The following CHCHD6 variants were observed in gnomAD, a reference collection of about 807,000 sequenced individuals.
CHCHD6 encodes the protein MICOS complex subunit MIC25.
In CHCHD6, 28 loss-of-function variants were observed where a neutral mutation model predicts 32.3. The observed-to-expected ratio is 0.87, with a 90% confidence interval of 0.64 to 1.19. The LOEUF is 1.19. Ranked by LOEUF, CHCHD6 falls within the 50% of genes most tolerant of loss-of-function variation. CHCHD6 has a pLI of 0.00. For synonymous variants in CHCHD6, 122 were observed against 117.5 expected (o/e 1.04, Z -0.25); for missense variants, 333 against 307.0 (o/e 1.08, Z -0.63).
At chr3:126,799,714 T>C (rs1052661094) in intron 4 of CHCHD6, among the ~76,000 whole-genome samples, 7 of 152,096 alleles carry the variant, frequency 4.6e-5, no homozygotes, top group African/African-American at 1.7e-4. Context: ...CCTGGTGTCC[T>C]TTTTTCTCCT....
At chr3:126,834,220 C>G (rs956537496) in intron 4 of CHCHD6, among the ~76,000 whole-genome samples, 1 of 152,130 alleles carries the variant, frequency 6.6e-6, no homozygotes, top group Middle Eastern at 3.2e-3. Context: ...ACAGAAGTGA[C>G]TCAGGGCTGC....
At chr3:126,880,002 T>C (rs1461478725) in intron 5 of CHCHD6, among the ~76,000 whole-genome samples, 1 of 152,176 alleles carries the variant, frequency 6.6e-6, no homozygotes, top group Non-Finnish European at 1.5e-5. Flanking sequence ...ACCCAGACTC[T>C]CCTCCTTAGT....
chr3:126,914,888 T>G (rs1407574662), intron 6 of CHCHD6, 138 bp downstream of exon 6: 1 of 659,816 alleles, frequency 1.5e-6, no homozygotes, highest in African/African-American at 1.8e-5. Context: ...CTCAGCTCTC[T>G]CACCTGGATC....
intron 6 of CHCHD6, among the ~76,000 whole-genome samples, chr3:126,937,901 C>G (rs1381422206): frequency 6.6e-6 from 1 of 152,130 alleles, no homozygotes; most frequent in East Asian, 1.9e-4. Context: ...CTGCTGGTTC[C>G]CAGGCCCAGG....
At chr3:126,705,477 G>T (rs1303878230) in intron 1 of CHCHD6, among the ~76,000 whole-genome samples, 1 of 152,210 alleles carries the variant, frequency 6.6e-6, no homozygotes, top group East Asian at 1.9e-4. Flanking sequence ...AGATTAAGGA[G>T]AAGTGAGGCA....
chr3:126,784,780 A>C (rs562472060), intron 4 of CHCHD6, among the ~76,000 whole-genome samples: 1 of 152,006 alleles, frequency 6.6e-6, no homozygotes, highest in South Asian at 2.1e-4. Context: ...CTGTCTCTTC[A>C]CTCACTATTT....
chr3:126,844,594 C>T (rs544067949), intron 4 of CHCHD6, among the ~76,000 whole-genome samples: 6 of 152,138 alleles, frequency 3.9e-5, no homozygotes, highest in African/African-American at 1.2e-4. Flanking sequence ...TTTGTGTCTT[C>T]GTATTTAAAA....
chr3:126,758,474 A>G (rs1937048663), intron 4 of CHCHD6, among the ~76,000 whole-genome samples: 1 of 152,184 alleles, frequency 6.6e-6, no homozygotes, highest in Non-Finnish European at 1.5e-5. Context: ...ACGGTAGAGG[A>G]TGATTGCTTT....
At chr3:126,876,403 TTGTC>T (rs2107570520) in intron 5 of CHCHD6, among the ~76,000 whole-genome samples, 1 of 152,358 alleles carries the variant, frequency 6.6e-6, no homozygotes, top group African/African-American at 2.4e-5. Flanking sequence ...CCAGGAATGT[TTGTC>T]TGTACTTGGG....
At chr3:126,751,382 G>GT (rs1936712987) in intron 4 of CHCHD6, among the ~76,000 whole-genome samples, 1 of 151,684 alleles carries the variant, frequency 6.6e-6, no homozygotes, top group South Asian at 2.1e-4. Context: ...TACACCTGTG[G>GT]TCCCAGCTAC....
intron 4 of CHCHD6, among the ~76,000 whole-genome samples, chr3:126,797,934 C>T (rs781438481): frequency 2.0e-5 from 3 of 152,168 alleles, no homozygotes; most frequent in African/African-American, 2.4e-5. Context: ...TCCTCCTTGT[C>T]GAGGGAGGGT....
intron 4 of CHCHD6, among the ~76,000 whole-genome samples, chr3:126,748,597 A>C (rs77153623): frequency 6.8e-6 from 1 of 146,560 alleles, no homozygotes. Context: ...TACATCTCCA[A>C]AAAAAAAAAA....
intron 1 of CHCHD6, among the ~76,000 whole-genome samples, chr3:126,715,668 T>C (rs1934974366): frequency 6.6e-6 from 1 of 152,140 alleles, no homozygotes; most frequent in South Asian, 2.1e-4. Context: ...ATCAATAATG[T>C]GGCTCAATAA....
chr3:126,827,891 T>C (rs1387022982), intron 4 of CHCHD6, among the ~76,000 whole-genome samples: 1 of 152,118 alleles, frequency 6.6e-6, no homozygotes, highest in Admixed American at 6.5e-5. Flanking sequence ...TGTTCAGAAA[T>C]GTCAAATTCT....
At chr3:126,804,908 A>G (rs1207761793) in intron 4 of CHCHD6, among the ~76,000 whole-genome samples, 1 of 152,286 alleles carries the variant, frequency 6.6e-6, no homozygotes, top group African/African-American at 2.4e-5. Flanking sequence ...ACGCAAATCA[A>G]TAAATGTAAT....
chr3:126,752,176 G>A (rs934014889), intron 4 of CHCHD6, among the ~76,000 whole-genome samples: 1 of 152,202 alleles, frequency 6.6e-6, no homozygotes, highest in African/African-American at 2.4e-5. Context: ...CTTAGAAAAG[G>A]TGGGGAAGAA....
intron 4 of CHCHD6, among the ~76,000 whole-genome samples, chr3:126,793,528 G>A (rs1938649136): frequency 6.6e-6 from 1 of 152,014 alleles, no homozygotes; most frequent in African/African-American, 2.4e-5. Context: ...TAATGATATG[G>A]GGTTGTCTTA....
At chr3:126,744,379 C>T (rs960241596) in intron 4 of CHCHD6, among the ~76,000 whole-genome samples, 6 of 152,282 alleles carry the variant, frequency 3.9e-5, no homozygotes, top group Admixed American at 1.3e-4. Context: ...GGTATAGAAT[C>T]GAAAAGGGTT....
At chr3:126,932,827 G>A (rs958150670) in intron 6 of CHCHD6, among the ~76,000 whole-genome samples, 19 of 152,214 alleles carry the variant, frequency 1.2e-4, no homozygotes, top group South Asian at 2.1e-4. Flanking sequence ...CTCCCTGTCC[G>A]TTTGCTGAGC....
Sources: allele counts gnomAD v4.1 joint callset (sites outside exome capture counted in the v4.1 genomes callset), GRCh38; gene constraint gnomAD v4.1.1; transcripts MANE v1.5; gene names NCBI Gene and HGNC (gene_info 2026-07-23, HGNC 2026-07-21).